Variants in ENPP2 observed in about 807,000 individuals in gnomAD.
ENPP2 encodes autotaxin.
Under a neutral mutation model 120.2 loss-of-function variants are expected in ENPP2, and 51 were observed. That is an observed-to-expected ratio of 0.42 (90% CI 0.34 to 0.54). The LOEUF (loss-of-function observed/expected upper bound fraction) is 0.54. Among genes scored for constraint, ENPP2 ranks in the 20% least tolerant of loss-of-function variants. The pLI is 0.04. For missense variants in ENPP2, 920 were observed against 1,066.5 expected (o/e 0.86, Z 1.91); for synonymous variants, 365 against 366.4 (o/e 1.00, Z 0.04).
In ENPP2 at chr8:119,566,768, C is replaced by A. The variant is rs374111618; in HGVS notation, c.2131+1407G>T. On this transcript the variant is annotated intron_variant, in intron 22 of 24. Coordinates refer to ENST00000075322, the MANE Select transcript of ENPP2 (RefSeq NM_001040092.3). ...TAAAGAATAAAGAAATCCAGAGAACCCTGATTTGCAGAAATTAAATGAAGC... is the reference window on the plus strand; with the variant it reads ...TAAAGAATAAAGAAATCCAGAGAACACTGATTTGCAGAAATTAAATGAAGC... Among the ~76,000 whole-genome samples the A allele has an allele frequency of 2.7e-4, 41 of 152,184 alleles. No homozygotes were observed. The South Asian group carries it at 8.1e-3, about 30-fold the overall frequency.
intron 13 of ENPP2, among the ~76,000 whole-genome samples, chr8:119,587,838 A>G (rs1370949740): frequency 1.3e-5 from 2 of 152,314 alleles, no homozygotes; most frequent in Middle Eastern, 3.4e-3. Context: ...AGTTTGCTTC[A>G]GTATGTTATT....
chr8:119,593,638 C>T (rs550933227), intron 12 of ENPP2, 114 bp downstream of exon 12: 53 of 674,680 alleles, frequency 7.9e-5, no homozygotes, highest in South Asian at 2.5e-4. Context: ...TTAAAGAAAG[C>T]GGGGATGAGG....
At chr8:119,585,696 A>C (rs1249996668) in intron 15 of ENPP2, among the ~76,000 whole-genome samples, 1 of 152,188 alleles carries the variant, frequency 6.6e-6, no homozygotes, top group Non-Finnish European at 1.5e-5. Flanking sequence ...TTTGTAGTTC[A>C]ATAGAAGGCA....
chr8:119,587,428 T>G (rs531050411), intron 13 of ENPP2, among the ~76,000 whole-genome samples: 1 of 152,338 alleles, frequency 6.6e-6, no homozygotes, highest in South Asian at 2.1e-4. Context: ...CAGTTTGACC[T>G]CAGGAACTAA....
Position 119,666,295 on chromosome 8 carries a change from C to T in ENPP2, c.21+6957G>A, listed in dbSNP as rs945131554. ...TGAAAATATGACCTTTTTTAAAAAT[C>T]GAAAATTTGCCTCTGAAAGATTATT... On this transcript the variant is annotated intron_variant, in intron 1 of 25. Transcript: ENST00000427067. Among the ~76,000 whole-genome samples the T allele has an allele frequency of 2.6e-5, 4 of 151,678 alleles. No homozygotes were observed. In the South Asian group the frequency reaches 6.2e-4, roughly 24 times the overall value.
intron 14 of ENPP2, among the ~76,000 whole-genome samples, chr8:119,586,708 C>A (rs1450113439): frequency 6.6e-6 from 1 of 152,092 alleles, no homozygotes; most frequent in Admixed American, 6.5e-5. Context: ...ACTAAGGTCG[C>A]TACCCAGCAT....
intron 5 of ENPP2, 106 bp from the exon 6 acceptor site, chr8:119,617,669 C>T: frequency 1.2e-6 from 1 of 800,454 alleles, no homozygotes. Flanking sequence ...AAAAATTTCA[C>T]CGGGCGTGAT....
At chr8:119,588,869 T>C (rs1402583593) in intron 13 of ENPP2, among the ~76,000 whole-genome samples, 1 of 152,202 alleles carries the variant, frequency 6.6e-6, no homozygotes, top group Non-Finnish European at 1.5e-5. Context: ...ACTTAGTCTT[T>C]GCAGGCTAAC....
At chr8:119,663,184 G>C (rs375221711) in intron 1 of ENPP2, among the ~76,000 whole-genome samples, 1 of 151,706 alleles carries the variant, frequency 6.6e-6, no homozygotes, top group Non-Finnish European at 1.5e-5. Context: ...TATAATTGTC[G>C]TGGTTCCCAC....
intron 11 of ENPP2, among the ~76,000 whole-genome samples, chr8:119,599,728 G>A (rs1814151226): frequency 6.6e-6 from 1 of 152,124 alleles, no homozygotes; most frequent in Non-Finnish European, 1.5e-5. Flanking sequence ...ACCCTCAGCT[G>A]GGTGTGGTGG....
exon 1 of ENPP2, chr8:119,673,339 G>A (rs999356032): frequency 6.5e-7 from 1 of 1,527,832 alleles, no homozygotes; most frequent in African/African-American, 1.4e-5. Context: ...GCAGCCCCGC[G>A]ACCTGGGAGC....
At chr8:119,596,598 C>T (rs1813911027) in intron 11 of ENPP2, among the ~76,000 whole-genome samples, 1 of 152,204 alleles carries the variant, frequency 6.6e-6, no homozygotes, top group South Asian at 2.1e-4. Context: ...CCTCCTTAAT[C>T]ATAAACGTAC....
chr8:119,638,958 T>G (rs1817175313), upstream of ENPP2: 1 of 720,504 alleles, frequency 1.4e-6, no homozygotes, highest in Admixed American at 2.3e-5. Context: ...ATCGCAGCTC[T>G]GAGCCTAAGA....
intron 24 of ENPP2, among the ~76,000 whole-genome samples, chr8:119,559,725 T>A (rs1296024356): frequency 6.6e-6 from 1 of 152,180 alleles, no homozygotes; most frequent in Non-Finnish European, 1.5e-5. Flanking sequence ...AATAAAGCAC[T>A]TAGAATATTA....
intron 18 of ENPP2, among the ~76,000 whole-genome samples, chr8:119,581,336 C>T (rs539128046): frequency 3.9e-5 from 6 of 152,146 alleles, no homozygotes; most frequent in Admixed American, 6.5e-5. Flanking sequence ...GCACCACCAC[C>T]GCATCCTTGT....
chr8:119,586,572 C>G (rs572009244), intron 14 of ENPP2, among the ~76,000 whole-genome samples: 1 of 152,006 alleles, frequency 6.6e-6, no homozygotes, highest in Non-Finnish European at 1.5e-5. Flanking sequence ...GTGAGACCAT[C>G]GCTAAGAGCA....
intron 13 of ENPP2, among the ~76,000 whole-genome samples, chr8:119,588,154 A>G (rs4520196): frequency 0.58 from 88,324 of 152,078 alleles, 27,184 homozygotes; most frequent in African/African-American, 0.77. Flanking sequence ...GGCCTTAATT[A>G]CATCTCTTAC....
At chr8:119,655,763 G>A (rs1354055662) in intron 1 of ENPP2, among the ~76,000 whole-genome samples, 1 of 152,098 alleles carries the variant, frequency 6.6e-6, no homozygotes, top group African/African-American at 2.4e-5. Context: ...TTAAGTAACT[G>A]GCCCAAATTT....
intron 24 of ENPP2, among the ~76,000 whole-genome samples, chr8:119,558,369 G>A (rs1002183458): frequency 1.3e-5 from 2 of 152,112 alleles, no homozygotes; most frequent in Admixed American, 6.5e-5. Flanking sequence ...GGTTCACAAG[G>A]ATAATAATGC....
Sources: gnomAD v4.1 joint callset for allele counts (sites outside exome capture counted in the v4.1 genomes callset) on GRCh38, gnomAD v4.1.1 for gene constraint, MANE v1.5 for transcripts, NCBI Gene and HGNC (gene_info 2026-07-23, HGNC 2026-07-21) for gene names.